The following ERMP1 variants were observed in gnomAD, a reference collection of about 807,000 sequenced individuals.
The protein encoded by ERMP1 is Felix-ina.
ERMP1 carries 86 observed loss-of-function variants against 92.0 expected under a neutral mutation model. That is an observed-to-expected ratio of 0.93 (90% CI 0.79 to 1.12). The LOEUF (loss-of-function observed/expected upper bound fraction) is 1.12, where lower values mean the gene tolerates loss of function less well. Ranked by LOEUF, ERMP1 falls within the 50% of genes most tolerant of loss-of-function variation. The pLI is 0.00. For synonymous variants in ERMP1, 530 were observed against 412.8 expected (o/e 1.28, Z -3.44); for missense variants, 1,342 against 1,116.3 (o/e 1.20, Z -2.88).
At chr9:5,847,854 C>T (rs888322051) in intron 6 of ERMP1, among the ~76,000 whole-genome samples, 2 of 150,910 alleles carry the variant, frequency 1.3e-5, no homozygotes, top group East Asian at 2.0e-4. Context: ...GAGATGGCAC[C>T]GCTGTACTCC....
intron 1 of ERMP1, chr9:5,832,485 C>A: frequency 2.1e-6 from 1 of 477,380 alleles, no homozygotes; most frequent in Non-Finnish European, 3.7e-6. Flanking sequence ...ACGAGCTTAA[C>A]CGGGGACAGG....
At chr9:5,861,779 T>A (rs1036085827) in intron 5 of ERMP1, among the ~76,000 whole-genome samples, 3 of 119,636 alleles carry the variant, frequency 2.5e-5, no homozygotes, top group Admixed American at 2.4e-4. Context: ...GGTCAAAGGA[T>A]CTCAGCAGGT....
intron 6 of ERMP1, among the ~76,000 whole-genome samples, chr9:5,848,995 TTTGA>T (rs1031689041): frequency 6.6e-5 from 10 of 152,152 alleles, no homozygotes; most frequent in African/African-American, 1.9e-4. Context: ...TTACAGTTAG[TTTGA>T]TTATTTTTAT....
At chr9:5,799,317 A>C (rs1242314096) in intron 11 of ERMP1, among the ~76,000 whole-genome samples, 1 of 152,242 alleles carries the variant, frequency 6.6e-6, no homozygotes, top group Non-Finnish European at 1.5e-5. Flanking sequence ...TTTAAAACAA[A>C]TACATCCTAA....
intron 6 of ERMP1, among the ~76,000 whole-genome samples, chr9:5,847,685 A>G (rs369584289): frequency 4.6e-5 from 7 of 152,210 alleles, no homozygotes; most frequent in African/African-American, 1.4e-4. Context: ...CATGAGGTCA[A>G]GAGATCGAGA....
chr9:5,790,663 A>C (rs1454568213), intron 13 of ERMP1, among the ~76,000 whole-genome samples: 1 of 152,280 alleles, frequency 6.6e-6, no homozygotes. Flanking sequence ...CAAAGGCATT[A>C]AATATAAAAG....
chr9:5,795,725 C>T (rs1038510413), intron 13 of ERMP1, among the ~76,000 whole-genome samples: 1 of 152,070 alleles, frequency 6.6e-6, no homozygotes, highest in African/African-American at 2.4e-5. Context: ...TTGCCGTGAG[C>T]CGAGATCGTA....
chr9:5,846,230 T>A (rs531923697), intron 6 of ERMP1, among the ~76,000 whole-genome samples: 33 of 152,154 alleles, frequency 2.2e-4, no homozygotes, highest in African/African-American at 7.7e-4. Flanking sequence ...GCAGCCTGCA[T>A]CCATGTCACT....
chr9:5,831,736 C>T (rs1273144331), intron 1 of ERMP1, among the ~76,000 whole-genome samples: 3 of 152,182 alleles, frequency 2.0e-5, no homozygotes, highest in Non-Finnish European at 4.4e-5. Flanking sequence ...ATAATCAAGT[C>T]AAGAGGTTAA....
chr9:5,850,075 C>G (rs1315795768), intron 6 of ERMP1, among the ~76,000 whole-genome samples: 2 of 152,174 alleles, frequency 1.3e-5, no homozygotes, highest in Non-Finnish European at 2.9e-5. Flanking sequence ...AAAGGTCACA[C>G]AGCCTGCTGT....
At chr9:5,819,647 T>G (rs1829454982) in intron 4 of ERMP1, among the ~76,000 whole-genome samples, 1 of 152,226 alleles carries the variant, frequency 6.6e-6, no homozygotes, top group Non-Finnish European at 1.5e-5. Context: ...TTTCACAGTT[T>G]ACTATGGCAC....
chr9:5,799,871 C>G (rs922053136), intron 11 of ERMP1, among the ~76,000 whole-genome samples: 1 of 152,138 alleles, frequency 6.6e-6, no homozygotes, highest in African/African-American at 2.4e-5. Flanking sequence ...ATGAAAAACA[C>G]ACTGAACCTC....
intron 10 of ERMP1, among the ~76,000 whole-genome samples, chr9:5,804,624 G>C (rs1828799405): frequency 6.6e-6 from 1 of 152,250 alleles, no homozygotes; most frequent in African/African-American, 2.4e-5. Flanking sequence ...AGCTCTAAAA[G>C]CACTAATAAA....
intron 2 of ERMP1, among the ~76,000 whole-genome samples, chr9:5,828,260 T>C (rs1829801701): frequency 6.6e-6 from 1 of 152,252 alleles, no homozygotes. Context: ...TAACTGAATA[T>C]GCACTCCAAA....
Position 5,794,481 on chromosome 9 carries a change from A to T in ERMP1, c.2386+3336T>A, listed in dbSNP as rs73639514. 6.8e-3 allele frequency among the ~76,000 whole-genome samples: 1,030 copies of T among 152,202 alleles called. 16 individuals are homozygous for T. The highest frequency in any genetic ancestry group is 0.023 in the African/African-American group (946 of 41,562). The stretch of plus-strand genomic sequence containing the variant: ...AATCAAAAGCTAGTTCTTAGAAAAG[A>T]TCAATAAAATTGATAACCCTTCAGC... On this transcript the variant is annotated intron_variant, in intron 13 of 14. Coordinates refer to ENST00000339450, the MANE Select transcript of ERMP1 (RefSeq NM_024896.3).
chr9:5,851,736 T>G (rs1434497096), intron 6 of ERMP1, among the ~76,000 whole-genome samples: 1 of 152,210 alleles, frequency 6.6e-6, no homozygotes, highest in East Asian at 1.9e-4. Context: ...CTAGGTACTG[T>G]GACTGTGAGT....
At chr9:5,788,472 A>G (rs1354235480) in intron 13 of ERMP1, among the ~76,000 whole-genome samples, 1 of 152,224 alleles carries the variant, frequency 6.6e-6, no homozygotes, top group African/African-American at 2.4e-5. Context: ...GAAAAGAAGC[A>G]AAAGAAAATT....
rs997932960 is a variant in ERMP1, at chr9:5,785,079, A to T, written c.*2065T>A. The T allele has an allele frequency of 1.3e-5, 2 of 152,218 alleles. No individual in the cohort carries two copies. The highest frequency in any genetic ancestry group is 2.9e-5 in the Non-Finnish European group (2 of 68,042). 9.4% of individuals were successfully genotyped at this position (152,218 alleles called of 1,614,324 possible). A position where few individuals can be genotyped will look rare whatever the true frequency, so the allele number is the denominator to read the frequency against. On this transcript the variant is annotated 3_prime_UTR_variant, in exon 15 of 15. Coordinates refer to ENST00000339450, the MANE Select transcript of ERMP1 (RefSeq NM_024896.3). The stretch of plus-strand genomic sequence containing the variant: ...TCTGGCATTTAAATGACCTCCCAGA[A>T]TATTACACAAGCCCTGAGACTAGTG...
rs1829688845 is a variant in ERMP1 at position 5,825,226 on chromosome 9, A to G, written c.641-7T>C. ...ACTGCATCATCACTGGCACCTTCAAATCAGAAAAACAAATTTGCTGCTCAG... is the reference window on the plus strand; with the variant it reads ...ACTGCATCATCACTGGCACCTTCAAGTCAGAAAAACAAATTTGCTGCTCAG... On this transcript the variant is annotated splice_region_variant and splice_polypyrimidine_tract_variant and intron_variant, in intron 2 of 14. Coordinates refer to ENST00000339450, the MANE Select transcript of ERMP1 (RefSeq NM_024896.3). The G allele has an allele frequency of 8.7e-6, 14 of 1,605,178 alleles. No homozygotes were observed. The highest frequency in any genetic ancestry group is 1.1e-5 in the Non-Finnish European group (13 of 1,177,680).
Sources: gnomAD v4.1 joint callset for allele counts (sites outside exome capture counted in the v4.1 genomes callset) on GRCh38, gnomAD v4.1.1 for gene constraint, MANE v1.5 for transcripts, NCBI Gene and HGNC (gene_info 2026-07-23, HGNC 2026-07-21) for gene names.